SDK1: variants seen among roughly 807,000 people sequenced by gnomAD.
The protein encoded by SDK1 is protein sidekick-1.
In SDK1, 157 loss-of-function variants were observed where a neutral mutation model predicts 245.5. The observed-to-expected ratio is 0.64, with a 90% confidence interval of 0.56 to 0.73. The LOEUF (loss-of-function observed/expected upper bound fraction) is 0.73, where lower values mean the gene tolerates loss of function less well. Ranked by LOEUF, SDK1 falls within the 30% of genes least tolerant of loss-of-function variation. The pLI, the probability that SDK1 is intolerant of heterozygous loss-of-function variation, is 0.00. For synonymous variants in SDK1, 1,647 were observed against 1,278.5 expected (o/e 1.29, Z -6.15); for missense variants, 3,583 against 3,002.3 (o/e 1.19, Z -4.52).
intron 1 of SDK1, among the ~76,000 whole-genome samples, chr7:3,429,809 G>A (rs573575804): frequency 3.2e-4 from 48 of 151,388 alleles, no homozygotes; most frequent in Non-Finnish European, 5.2e-4. Context: ...CCAGGCTGGT[G>A]TTAAGCCCTG....
intron 1 of SDK1, among the ~76,000 whole-genome samples, chr7:3,446,525 G>C (rs2128590252): frequency 6.6e-6 from 1 of 152,268 alleles, no homozygotes; most frequent in East Asian, 1.9e-4. Flanking sequence ...CACTGTGTAA[G>C]AGCCACGAAA....
intron 25 of SDK1, among the ~76,000 whole-genome samples, chr7:4,118,051 C>T (rs1380925096): frequency 6.6e-6 from 1 of 151,952 alleles, no homozygotes; most frequent in African/African-American, 2.4e-5. Context: ...TTCCAGAAAC[C>T]AAAAGCACGA....
intron 1 of SDK1, among the ~76,000 whole-genome samples, chr7:3,483,563 TC>T (rs1781583166): frequency 1.3e-5 from 2 of 152,212 alleles, no homozygotes; most frequent in South Asian, 4.1e-4. Flanking sequence ...CTTATTGCAA[TC>T]CCTGCACCAC....
At chr7:4,029,980 T>C (rs922321775) in intron 17 of SDK1, among the ~76,000 whole-genome samples, 5 of 152,330 alleles carry the variant, frequency 3.3e-5, no homozygotes, top group South Asian at 4.1e-4. Context: ...TCACCAGTTA[T>C]AACACTTGGG....
intron 4 of SDK1, among the ~76,000 whole-genome samples, chr7:3,684,153 C>T (rs942093080): frequency 6.6e-6 from 1 of 152,210 alleles, no homozygotes; most frequent in Non-Finnish European, 1.5e-5. Context: ...CCCTGCAACC[C>T]GTGCAGTCTC....
intron 4 of SDK1, among the ~76,000 whole-genome samples, chr7:3,704,704 T>A (rs979245665): frequency 1.3e-5 from 2 of 152,258 alleles, no homozygotes; most frequent in Non-Finnish European, 1.5e-5. Flanking sequence ...TTAGATCCCA[T>A]TTATTTATTT....
At chr7:4,067,058 C>G (rs1029134097) in intron 19 of SDK1, among the ~76,000 whole-genome samples, 1 of 152,178 alleles carries the variant, frequency 6.6e-6, no homozygotes, top group African/African-American at 2.4e-5. Context: ...GGGACATCCT[C>G]GTGTTTTCAT....
chr7:3,846,961 C>G (rs1780294255), intron 5 of SDK1, among the ~76,000 whole-genome samples: 1 of 152,302 alleles, frequency 6.6e-6, no homozygotes, highest in South Asian at 2.1e-4. Context: ...GTCCTCATCA[C>G]CTTGGCCCTA....
intron 17 of SDK1, among the ~76,000 whole-genome samples, chr7:4,025,659 C>T (rs1476325361): frequency 6.6e-6 from 1 of 152,178 alleles, no homozygotes; most frequent in Non-Finnish European, 1.5e-5. Flanking sequence ...TCCCCATATC[C>T]AAGCACAATG....
chr7:3,568,339 G>A (rs1779993109), intron 1 of SDK1, among the ~76,000 whole-genome samples: 1 of 152,078 alleles, frequency 6.6e-6, no homozygotes, highest in African/African-American at 2.4e-5. Context: ...AAATAATGTT[G>A]TTCTTCTCAG....
At chr7:4,175,444 C>T (rs1782138142) in intron 33 of SDK1, among the ~76,000 whole-genome samples, 1 of 152,204 alleles carries the variant, frequency 6.6e-6, no homozygotes. Flanking sequence ...GCTGCACCTG[C>T]CCCGGGGTGA....
rs571652452 is a variant in SDK1 at position 3,863,452 on chromosome 7, A to T, written c.847+41869A>T. 5.6e-4 allele frequency among the ~76,000 whole-genome samples: 86 copies of T among 152,276 alleles called. 1 individual carries two copies. Among genetic ancestry groups the T allele is most frequent in the Non-Finnish European group, 9.0e-4 (61 of 68,016 alleles). Reference sequence around the variant, plus strand: ...TTGCATAAATGTTACCATTTTAACTATGTTTGCATGTACAACTTCATGTTA... The same window carrying T: ...TTGCATAAATGTTACCATTTTAACTTTGTTTGCATGTACAACTTCATGTTA... On this transcript the variant is annotated intron_variant, in intron 5 of 44. Transcript: ENST00000404826.
In SDK1 at chr7:4,033,672, A is replaced by C. The variant is rs75581873; in HGVS notation, c.2603-15676A>C. On this transcript the variant is annotated intron_variant, in intron 17 of 44. Transcript: ENST00000404826. ...CAAGCTCTATGAAACAAGAGTTCAC[A>C]GAAGTGCAAATGGCCCATAACCACA... Among the ~76,000 whole-genome samples, 184 of 152,354 alleles carry C rather than the reference A, an allele frequency of 1.2e-3. 4 individuals are homozygous for C. In the East Asian group the frequency reaches 0.029, roughly 24 times the overall value.
intron 44 of SDK1, among the ~76,000 whole-genome samples, chr7:4,247,649 G>C (rs1431736622): frequency 2.0e-5 from 3 of 152,208 alleles, no homozygotes; most frequent in Non-Finnish European, 4.4e-5. Context: ...GGCACCGTGG[G>C]GGTGTCATAG....
chr7:3,754,867 G>A (rs1194845536), intron 4 of SDK1, among the ~76,000 whole-genome samples: 1 of 152,206 alleles, frequency 6.6e-6, no homozygotes, highest in East Asian at 1.9e-4. Flanking sequence ...TTTTGAAAGG[G>A]AATCGCAGCA....
At chr7:3,701,951 AAG>A (rs1447642391) in intron 4 of SDK1, among the ~76,000 whole-genome samples, 1 of 150,710 alleles carries the variant, frequency 6.6e-6, no homozygotes, top group Non-Finnish European at 1.5e-5. Context: ...AAAAAGAAAA[AAG>A]AAAAATTGTA....
chr7:3,679,189 G>T (rs967319202), intron 4 of SDK1, among the ~76,000 whole-genome samples: 1 of 152,194 alleles, frequency 6.6e-6, no homozygotes, highest in African/African-American at 2.4e-5. Context: ...GAAAATATTT[G>T]CCAGCCACAT....
At chr7:3,972,281 A>G (rs78229901) in intron 12 of SDK1, among the ~76,000 whole-genome samples, 2 of 152,024 alleles carry the variant, frequency 1.3e-5, no homozygotes, top group East Asian at 1.9e-4. Context: ...GCGTTTCACC[A>G]TGTTAGCCAG....
At chr7:3,566,122 C>G (rs1054445184) in intron 1 of SDK1, among the ~76,000 whole-genome samples, 6 of 151,528 alleles carry the variant, frequency 4.0e-5, no homozygotes, top group African/African-American at 1.5e-4. Flanking sequence ...AGTTTTTATT[C>G]TCTTGGAGGT....
Sources: gnomAD v4.1 joint callset for allele counts (sites outside exome capture counted in the v4.1 genomes callset) on GRCh38, gnomAD v4.1.1 for gene constraint, MANE v1.5 for transcripts, NCBI Gene and HGNC (gene_info 2026-07-23, HGNC 2026-07-21) for gene names.